Variants in CCDC18 observed in about 807,000 individuals in gnomAD.
CCDC18 encodes coiled-coil domain containing 18.
In CCDC18, 157 loss-of-function variants were observed where a neutral mutation model predicts 196.0. The ratio of observed to expected loss-of-function variants is 0.80; its 90% CI spans 0.70 to 0.91. The LOEUF is 0.91. Ranked by LOEUF, CCDC18 falls within the 40% of genes least tolerant of loss-of-function variation. The pLI is 0.00. For synonymous variants in CCDC18, 482 were observed against 529.2 expected, an observed-to-expected ratio of 0.91 and a Z score of 1.22; for missense variants, 1,465 against 1,611.6, an observed-to-expected ratio of 0.91 and a Z score of 1.56.
At chr1:93,241,572 A>G (rs1239824952) in intron 21 of CCDC18, among the ~76,000 whole-genome samples, 1 of 151,800 alleles carries the variant, frequency 6.6e-6, no homozygotes, top group Admixed American at 6.6e-5. Flanking sequence ...AAATGCAAAA[A>G]TCAGCCAGGT....
chr1:93,231,482 A>G lies in CCDC18; in HGVS notation c.2293-944A>G, dbSNP rs999493555. Among the ~76,000 whole-genome samples, 3 of 152,150 alleles carry G rather than the reference A, an allele frequency of 2.0e-5. No homozygotes were observed. The East Asian group carries it at 5.8e-4, about 29-fold the overall frequency. On this transcript the variant is annotated intron_variant, in intron 17 of 28. Coordinates refer to ENST00000690025, the MANE Select transcript of CCDC18 (RefSeq NM_001378204.1). ...TGGTTGCACATTTTAAATCACATTG[A>G]CAATCATCACTTATTAAATCTTCCA...
intron 19 of CCDC18, among the ~76,000 whole-genome samples, chr1:93,237,047 C>G (rs1660159408): frequency 6.6e-6 from 1 of 152,110 alleles, no homozygotes; most frequent in African/African-American, 2.4e-5. Context: ...CATAATCAGC[C>G]CACCCTTCTA....
chr1:93,268,514 T>G (rs1021344970), intron 27 of CCDC18, among the ~76,000 whole-genome samples: 13 of 151,880 alleles, frequency 8.6e-5, no homozygotes, highest in African/African-American at 2.7e-4. Flanking sequence ...GGGAGAAAAT[T>G]TTTGCAATCT....
intron 23 of CCDC18, among the ~76,000 whole-genome samples, chr1:93,251,758 T>C (rs934758878): frequency 3.3e-5 from 5 of 152,144 alleles, no homozygotes; most frequent in Admixed American, 6.6e-5. Flanking sequence ...AGGGTGTTAT[T>C]ATTTGGGTTT....
chr1:93,232,683 C>A, intron 18 of CCDC18, 90 bp downstream of exon 18: 1 of 1,040,636 alleles, frequency 9.6e-7, no homozygotes, highest in Non-Finnish European at 1.4e-6. Flanking sequence ...TTTTAAATTG[C>A]TGTTTGGCCA....
chr1:93,196,549 C>T (rs1221105529), intron 6 of CCDC18, among the ~76,000 whole-genome samples: 3 of 151,958 alleles, frequency 2.0e-5, no homozygotes, highest in Admixed American at 2.0e-4. Context: ...AATTTAGTCC[C>T]AAAATACATA....
chr1:93,212,349 T>C, intron 11 of CCDC18, 88 bp downstream of exon 11: 1 of 896,140 alleles, frequency 1.1e-6, no homozygotes, highest in Non-Finnish European at 1.6e-6. Flanking sequence ...AAATTTTTTT[T>C]TTAATTTAAG....
chr1:93,260,733 A>G (rs1310992724), intron 26 of CCDC18, among the ~76,000 whole-genome samples: 1 of 151,932 alleles, frequency 6.6e-6, no homozygotes, highest in Non-Finnish European at 1.5e-5. Context: ...CCTGTCACCT[A>G]CATTAGGTAT....
chr1:93,269,832 C>G (rs1354418318), intron 27 of CCDC18: 1 of 151,984 alleles, frequency 6.6e-6, no homozygotes, highest in Non-Finnish European at 1.5e-5. Flanking sequence ...GTTTATTTAA[C>G]AAGGATTGAT....
chr1:93,198,004 G>T (rs960881520), intron 6 of CCDC18, among the ~76,000 whole-genome samples: 5 of 151,880 alleles, frequency 3.3e-5, no homozygotes, highest in Non-Finnish European at 7.4e-5. Context: ...GCCCGCCTTG[G>T]CCTCCCAAAG....
intron 6 of CCDC18, among the ~76,000 whole-genome samples, chr1:93,196,557 A>G (rs968599494): frequency 1.3e-5 from 2 of 152,224 alleles, no homozygotes; most frequent in African/African-American, 2.4e-5. Flanking sequence ...CCCAAAATAC[A>G]TAAGAAAAAT....
Position 93,246,218 on chromosome 1 carries a change from G to T in CCDC18, c.3081+14G>T. 7.0e-6 allele frequency: 11 copies of T among 1,563,086 alleles called. No homozygotes were observed. The highest frequency in any genetic ancestry group is 8.7e-6 in the Non-Finnish European group (10 of 1,149,332). ...AGAGCAGCTCAGGTTGATTTTTCTTGATTATATTTTAATGGAGTTTTCTGT... is the reference window on the plus strand; with the variant it reads ...AGAGCAGCTCAGGTTGATTTTTCTTTATTATATTTTAATGGAGTTTTCTGT... On this transcript the variant is annotated intron_variant, in intron 22 of 28. Coordinates refer to ENST00000690025, the MANE Select transcript of CCDC18 (RefSeq NM_001378204.1).
chr1:93,273,212 G>C (rs932657977), intron 28 of CCDC18, among the ~76,000 whole-genome samples: 1 of 152,044 alleles, frequency 6.6e-6, no homozygotes, highest in Non-Finnish European at 1.5e-5. Context: ...GGGACTACAG[G>C]CGCCCGCCAC....
chr1:93,233,221 A>G (rs1659515962), intron 18 of CCDC18, among the ~76,000 whole-genome samples: 2 of 152,194 alleles, frequency 1.3e-5, no homozygotes, highest in African/African-American at 4.8e-5. Context: ...CCTTAAAGAA[A>G]TGGCAAAGCA....
At chr1:93,188,547 C>G (rs1382018961) in intron 4 of CCDC18, among the ~76,000 whole-genome samples, 1 of 152,176 alleles carries the variant, frequency 6.6e-6, no homozygotes, top group Non-Finnish European at 1.5e-5. Flanking sequence ...TATTTAATGT[C>G]AGAATTTTTA....
At chr1:93,193,066 G>T (rs1273912929) in intron 5 of CCDC18, among the ~76,000 whole-genome samples, 1 of 152,036 alleles carries the variant, frequency 6.6e-6, no homozygotes, top group African/African-American at 2.4e-5. Flanking sequence ...ATTGTGAATT[G>T]TTCCTACTTT....
At chr1:93,239,597 G>T in intron 20 of CCDC18, 86 bp from the exon 21 acceptor site, 3 of 1,309,988 alleles carry the variant, frequency 2.3e-6, no homozygotes, top group South Asian at 1.4e-5. Flanking sequence ...TCTCGTAGAT[G>T]AATATAATTG....
rs539844370 is a variant in CCDC18 at position 93,187,224 on chromosome 1, TATACTA to T, written c.462+722_462+727del. Among the ~76,000 whole-genome samples the T allele has an allele frequency of 3.2e-4, 49 of 152,054 alleles. No individual in the cohort carries two copies. The South Asian group carries it at 9.5e-3, about 30-fold the overall frequency. Reference sequence around the variant, plus strand: ...CCTTTTTTTAAAAAAATGAGGCAAATATACTAGTACTAAGATGCAAAGTTGTTTGAC... The same window carrying T: ...CCTTTTTTTAAAAAAATGAGGCAAATGTACTAAGATGCAAAGTTGTTTGAC... On this transcript the variant is annotated intron_variant, in intron 4 of 28. Transcript: ENST00000690025.
In CCDC18 at chr1:93,250,766, A is replaced by G. The variant is rs1363178437; in HGVS notation, c.3199-3705A>G. Among the ~76,000 whole-genome samples the G allele has an allele frequency of 2.9e-5, 4 of 139,854 alleles. No homozygotes were observed. In the East Asian group the frequency reaches 7.7e-4, roughly 27 times the overall value. 91.7% of individuals were successfully genotyped at this position (139,854 alleles called of 152,430 possible). The stretch of plus-strand genomic sequence containing the variant: ...CTTTGATCTGTAGTCTGTTTTGTCT[A>G]AGTATAGCTATTTCTGCTATACTTT... On this transcript the variant is annotated intron_variant, in intron 23 of 28. Coordinates refer to ENST00000690025, the MANE Select transcript of CCDC18 (RefSeq NM_001378204.1).
Sources: allele counts gnomAD v4.1 joint callset (sites outside exome capture counted in the v4.1 genomes callset), GRCh38; gene constraint gnomAD v4.1.1; transcripts MANE v1.5; gene names NCBI Gene and HGNC (gene_info 2026-07-23, HGNC 2026-07-21).